Variants in STX18 observed in about 807,000 individuals in gnomAD.
The protein encoded by STX18 is syntaxin 18.
Under a neutral mutation model 50.1 loss-of-function variants are expected in STX18, and 40 were observed. The ratio of observed to expected loss-of-function variants is 0.80; its 90% CI spans 0.62 to 1.04. The LOEUF (loss-of-function observed/expected upper bound fraction) is 1.04. STX18 is among the 50% of genes least tolerant of loss of function. STX18 has a pLI of 0.00. For missense variants in STX18, 410 were observed against 415.8 expected, an observed-to-expected ratio of 0.99 and a Z score of 0.12; for synonymous variants, 158 against 151.8, an observed-to-expected ratio of 1.04 and a Z score of -0.30.
chr4:4,538,777 C>G (rs1288802238), intron 1 of STX18, among the ~76,000 whole-genome samples: 3 of 152,102 alleles, frequency 2.0e-5, no homozygotes, highest in Admixed American at 1.3e-4. Flanking sequence ...GATTTGAACC[C>G]AAGGCCCAGG....
chr4:4,489,391 ATTTTTTTTTTTTTTTTTTT>A (rs34563523), intron 1 of STX18, among the ~76,000 whole-genome samples: 205 of 51,680 alleles, frequency 4.0e-3, no homozygotes, highest in East Asian at 7.4e-3. Context: ...ATGCAAAATA[ATTTTTTTTTTTTTTTTTTT>A]TTTTTTTTTT....
At chr4:4,507,706 A>G (rs6446654) in intron 1 of STX18, 177,692 of 1,021,662 alleles carry the variant, frequency 0.17, 16,233 homozygotes, top group African/African-American at 0.23. Flanking sequence ...TGGAACACAG[A>G]CTGAAACTTT....
intron 3 of STX18, among the ~76,000 whole-genome samples, chr4:4,458,505 A>G (rs1039225109): frequency 6.6e-5 from 10 of 152,196 alleles, no homozygotes; most frequent in African/African-American, 1.4e-4. Context: ...CCTCCCCAAC[A>G]AAAGTCTGTG....
intron 8 of STX18, among the ~76,000 whole-genome samples, chr4:4,424,434 G>T (rs1349908938): frequency 6.6e-6 from 1 of 151,614 alleles, no homozygotes; most frequent in Non-Finnish European, 1.5e-5. Context: ...GGGCATGGGG[G>T]AGTAGCGGGG....
At chr4:4,453,824 C>T (rs1726909358) in intron 5 of STX18, among the ~76,000 whole-genome samples, 1 of 152,206 alleles carries the variant, frequency 6.6e-6, no homozygotes, top group South Asian at 2.1e-4. Context: ...CCACCTTCAC[C>T]ACTACTCACT....
intron 1 of STX18, chr4:4,507,785 CA>C: frequency 8.4e-6 from 3 of 355,462 alleles, no homozygotes; most frequent in Non-Finnish European, 1.3e-5. Flanking sequence ...CAATTGTAAA[CA>C]AAAATGACTA....
At chr4:4,500,944 G>A (rs1447779280) in intron 1 of STX18, among the ~76,000 whole-genome samples, 4 of 152,180 alleles carry the variant, frequency 2.6e-5, no homozygotes, top group African/African-American at 9.7e-5. Flanking sequence ...GGCTGAAGCA[G>A]GAGAATTGCT....
intron 1 of STX18, among the ~76,000 whole-genome samples, chr4:4,526,010 A>G (rs1730733675): frequency 6.6e-6 from 1 of 152,176 alleles, no homozygotes; most frequent in African/African-American, 2.4e-5. Context: ...ACAGAGCAGC[A>G]TGGTGAAAAC....
At chr4:4,498,303 G>C (rs1004689455) in intron 1 of STX18, among the ~76,000 whole-genome samples, 3 of 151,684 alleles carry the variant, frequency 2.0e-5, no homozygotes, top group Non-Finnish European at 2.9e-5. Context: ...ACTTTTCTTC[G>C]CAAAATAGTA....
chr4:4,530,846 A>G (rs1376890001), intron 1 of STX18, among the ~76,000 whole-genome samples: 1 of 152,112 alleles, frequency 6.6e-6, no homozygotes, highest in East Asian at 1.9e-4. Context: ...AGCTCAAGCG[A>G]TCCACCCACC....
chr4:4,513,064 T>C (rs1430423998), intron 1 of STX18, among the ~76,000 whole-genome samples: 1 of 152,048 alleles, frequency 6.6e-6, no homozygotes, highest in Non-Finnish European at 1.5e-5. Context: ...GGGTATTCAA[T>C]TTAGAATTTA....
At chr4:4,534,732 T>C (rs990597851) in intron 1 of STX18, among the ~76,000 whole-genome samples, 1 of 152,262 alleles carries the variant, frequency 6.6e-6, no homozygotes, top group African/African-American at 2.4e-5. Context: ...ATCTAAGAGT[T>C]GGCAAACTTT....
At chr4:4,522,994 T>C (rs1577399666) in intron 1 of STX18, among the ~76,000 whole-genome samples, 1 of 152,252 alleles carries the variant, frequency 6.6e-6, no homozygotes, top group African/African-American at 2.4e-5. Flanking sequence ...ATAGCACTTC[T>C]TATGTGCTAA....
intron 1 of STX18, among the ~76,000 whole-genome samples, chr4:4,498,535 G>A (rs572632413): frequency 5.3e-4 from 81 of 152,202 alleles, no homozygotes; most frequent in Admixed American, 1.1e-3. Context: ...ATTAAAGTAA[G>A]CACCTGTGTT....
At position 4,482,967 on chromosome 4, in the gene STX18, G is replaced by A. The variant is rs117500320; in HGVS notation, c.169-11261C>T. ...TGCTAAGAACCAATACTAATCTTAC[G>A]GGACTGCGGCTTCCAGAATTCAGCA... On this transcript the variant is annotated intron_variant, in intron 1 of 10. Transcript: ENST00000306200. 2.0e-3 allele frequency among the ~76,000 whole-genome samples: 304 copies of A among 152,210 alleles called. 8 individuals are homozygous for A. The highest frequency in any genetic ancestry group is 0.011 in the East Asian group (58 of 5,184).
intron 1 of STX18, among the ~76,000 whole-genome samples, chr4:4,493,050 G>T (rs961203798): frequency 1.2e-4 from 18 of 152,118 alleles, no homozygotes; most frequent in Non-Finnish European, 1.9e-4. Context: ...TGGAAAAAAA[G>T]ATATTGCTGA....
intron 1 of STX18, among the ~76,000 whole-genome samples, chr4:4,538,102 GAA>G (rs201329108): frequency 5.1e-5 from 7 of 138,318 alleles, no homozygotes; most frequent in African/African-American, 1.6e-4. Context: ...CCTTTTGAGT[GAA>G]AAAAAAAAAA....
chr4:4,420,841 T>C lies in STX18; in HGVS notation c.912+23A>G, dbSNP rs767134935. On this transcript the variant is annotated intron_variant, in intron 10 of 10. Coordinates refer to ENST00000306200, the MANE Select transcript of STX18 (RefSeq NM_016930.4). This position sits in a 1 kb window ranked among gnomAD's most constrained non-coding sequence, Gnocchi z 4.3. ...ACTCAGTGCTGCGCCACGTCGCACCTGGGGAACCTAAACAGTGCCTACCTC... is the reference window on the plus strand; with the variant it reads ...ACTCAGTGCTGCGCCACGTCGCACCCGGGGAACCTAAACAGTGCCTACCTC... The C allele has an allele frequency of 2.5e-6, 4 of 1,609,704 alleles. No homozygotes were observed. The highest frequency in any genetic ancestry group is 1.3e-5 in the African/African-American group (1 of 74,962).
intron 2 of STX18, among the ~76,000 whole-genome samples, chr4:4,467,326 A>G (rs775706801): frequency 2.6e-5 from 4 of 152,200 alleles, no homozygotes; most frequent in Non-Finnish European, 5.9e-5. Context: ...ACTTCCTCCC[A>G]AAGTTAGTTT....
Sources: allele counts gnomAD v4.1 joint callset (sites outside exome capture counted in the v4.1 genomes callset), GRCh38; gene constraint gnomAD v4.1.1; non-coding constraint Gnocchi (gnomAD v3.1); transcripts MANE v1.5; gene names NCBI Gene and HGNC (gene_info 2026-07-23, HGNC 2026-07-21).